Variants in TENM2 observed in about 807,000 individuals in gnomAD.
The protein encoded by TENM2 is teneurin-2.
In TENM2, 52 loss-of-function variants were observed where a neutral mutation model predicts 245.2. That is an observed-to-expected ratio of 0.21 (90% CI 0.17 to 0.27). The LOEUF (loss-of-function observed/expected upper bound fraction) is 0.27, where lower values mean the gene tolerates loss of function less well. TENM2 is among the 10% of genes least tolerant of loss of function. The pLI is 1.00. For synonymous variants in TENM2, 1,363 were observed against 1,438.9 expected, an observed-to-expected ratio of 0.95 and a Z score of 1.19; for missense variants, 3,046 against 3,666.8, an observed-to-expected ratio of 0.83 and a Z score of 4.37.
chr5:167,248,790 A>T, the TENM2 span, among the ~76,000 whole-genome samples: 1 of 74,812 alleles, frequency 1.3e-5, no homozygotes, highest in African/African-American at 4.0e-5. Context: ...GTGTATATAT[A>T]TATGTGTGCG....
At chr5:168,096,143 A>G (rs1243332409) in intron 8 of TENM2, among the ~76,000 whole-genome samples, 2 of 152,226 alleles carry the variant, frequency 1.3e-5, no homozygotes, top group African/African-American at 4.8e-5. Context: ...GCTGTCTCCC[A>G]AGGCTGTTCC....
chr5:167,319,055 A>G (rs1756554405), intron 1 of TENM2, among the ~76,000 whole-genome samples: 1 of 152,224 alleles, frequency 6.6e-6, no homozygotes, highest in Non-Finnish European at 1.5e-5. Context: ...AAATCTGTTT[A>G]TCAATTGATA....
chr5:167,113,767 G>C, the TENM2 span, among the ~76,000 whole-genome samples: 1 of 152,030 alleles, frequency 6.6e-6, no homozygotes, highest in African/African-American at 2.4e-5. Context: ...CATATGCATA[G>C]AAAATTTATA....
intron 2 of TENM2, among the ~76,000 whole-genome samples, chr5:167,777,316 A>G (rs1029416926): frequency 2.4e-4 from 36 of 152,236 alleles, no homozygotes; most frequent in Non-Finnish European, 5.9e-5. Flanking sequence ...ATGGATTTGT[A>G]TTCTTTTTCT....
At chr5:168,003,329 ACACACACACACACACACC>A (rs1460724641) in intron 5 of TENM2, among the ~76,000 whole-genome samples, 149 of 139,350 alleles carry the variant, frequency 1.1e-3, no homozygotes, top group African/African-American at 3.9e-3. Context: ...ACACACACAC[ACACACACACACACACACC>A]CCCAAAGCTG....
At chr5:168,147,264 T>C (rs1756178066) in intron 12 of TENM2, among the ~76,000 whole-genome samples, 2 of 152,244 alleles carry the variant, frequency 1.3e-5, no homozygotes, top group Admixed American at 1.3e-4. Context: ...TAAAGTTAAT[T>C]TTATATTCAC....
intron 12 of TENM2, among the ~76,000 whole-genome samples, chr5:168,148,913 A>AGATAGATT (rs1207445563): frequency 3.5e-5 from 4 of 115,926 alleles, no homozygotes; most frequent in African/African-American, 1.3e-4. Context: ...ATAGATAGAT[A>AGATAGATT]GATAGATTGA....
chr5:167,409,968 AATTAAT>A (rs1408220341), intron 2 of TENM2, among the ~76,000 whole-genome samples: 9 of 152,088 alleles, frequency 5.9e-5, no homozygotes, highest in Admixed American at 1.3e-4. Context: ...TGAAATTTGT[AATTAAT>A]ATTAATTTAA....
intron 6 of TENM2, among the ~76,000 whole-genome samples, chr5:168,049,621 A>C (rs2152046878): frequency 6.6e-6 from 1 of 152,286 alleles, no homozygotes; most frequent in African/African-American, 2.4e-5. Context: ...TTAAGAGTAC[A>C]AGAGTATGCG....
At chr5:167,750,572 G>T (rs968512843) in intron 2 of TENM2, among the ~76,000 whole-genome samples, 1 of 152,084 alleles carries the variant, frequency 6.6e-6, no homozygotes, top group Non-Finnish European at 1.5e-5. Context: ...ATCAAGGACG[G>T]CCAAGGGGCT....
At chr5:168,250,100 A>C (rs1032493613) in intron 27 of TENM2, among the ~76,000 whole-genome samples, 1 of 143,630 alleles carries the variant, frequency 7.0e-6, no homozygotes, top group Non-Finnish European at 1.5e-5. Flanking sequence ...GGCTGGCTGG[A>C]TGAGTGGATG....
intron 2 of TENM2, among the ~76,000 whole-genome samples, chr5:167,383,740 A>C (rs1275035693): frequency 2.0e-5 from 3 of 151,966 alleles, no homozygotes; most frequent in East Asian, 3.9e-4. Flanking sequence ...AAAAAAAAAA[A>C]AAAAAAAAAA....
At chr5:167,969,816 T>C (rs1206558503) in intron 4 of TENM2, among the ~76,000 whole-genome samples, 1 of 152,218 alleles carries the variant, frequency 6.6e-6, no homozygotes, top group Non-Finnish European at 1.5e-5. Flanking sequence ...GGAATCCAAC[T>C]AGAGTCACAT....
the TENM2 span, among the ~76,000 whole-genome samples, chr5:167,016,714 G>A: frequency 5.3e-5 from 8 of 152,258 alleles, no homozygotes; most frequent in South Asian, 1.7e-3. Flanking sequence ...ACATATGCTA[G>A]TTTGCTTTTT....
the TENM2 span, among the ~76,000 whole-genome samples, chr5:167,195,279 G>A: frequency 6.6e-6 from 1 of 152,006 alleles, no homozygotes; most frequent in Non-Finnish European, 1.5e-5. Flanking sequence ...GCTATTATCA[G>A]CCATTAATAG....
intron 2 of TENM2, among the ~76,000 whole-genome samples, chr5:167,583,990 T>G (rs6862511): frequency 0.022 from 3,324 of 152,312 alleles, 79 homozygotes; most frequent in East Asian, 0.072. Flanking sequence ...TCCTTAAGTT[T>G]AAATTAGGAG....
the TENM2 span, among the ~76,000 whole-genome samples, chr5:167,188,938 A>C: frequency 1.3e-5 from 2 of 152,186 alleles, no homozygotes; most frequent in Non-Finnish European, 2.9e-5. Flanking sequence ...TTTGTGGATT[A>C]AACTGTGAAT....
At position 168,247,963 on chromosome 5, in the gene TENM2, G is replaced by A. The variant is rs1016581373; in HGVS notation, c.7024G>A (p.Glu2342Lys). 7 of 1,613,918 alleles carry A rather than the reference G, an allele frequency of 4.3e-6. No individual in the cohort carries two copies. Among genetic ancestry groups the A allele is most frequent in the Middle Eastern group, 1.6e-4 (1 of 6,062 alleles). ...CCATGTCTACAATCACTCCAACTCG[G>A]AGATTACCTCACTGTACTACGACCT... The change falls in exon 27 of 29, where the codon GAG (glutamate) becomes AAG (lysine). Residue 2342 changes from glutamate (E) to lysine (K), a missense_variant. By Grantham distance (56) the Glu-to-Lys change is moderately conservative. Transcript: ENST00000518659. The surrounding 1 kb of genome is among the most constrained non-coding windows in gnomAD (Gnocchi z 7.8).
intron 2 of TENM2, among the ~76,000 whole-genome samples, chr5:167,476,791 T>G (rs2127522048): frequency 6.6e-6 from 1 of 152,080 alleles, no homozygotes; most frequent in African/African-American, 2.4e-5. Flanking sequence ...TAGAGACAGG[T>G]TTTCACCATG....
Sources: allele counts gnomAD v4.1 joint callset (sites outside exome capture counted in the v4.1 genomes callset), GRCh38; gene constraint gnomAD v4.1.1; non-coding constraint Gnocchi (gnomAD v3.1); transcripts MANE v1.5; gene names NCBI Gene and HGNC (gene_info 2026-07-23, HGNC 2026-07-21).